The following RFX3 variants were observed in gnomAD, a reference collection of about 807,000 sequenced individuals.
The protein encoded by RFX3 is regulatory factor X3, also known as transcription factor RFX3.
In RFX3, 14 loss-of-function variants were observed where a neutral mutation model predicts 98.6. The ratio of observed to expected loss-of-function variants is 0.14; its 90% CI spans 0.09 to 0.22. RFX3 has a LOEUF of 0.22. Ranked by LOEUF, RFX3 falls within the 10% of genes least tolerant of loss-of-function variation. The pLI is 1.00. For synonymous variants in RFX3, 383 were observed against 328.4 expected (o/e 1.17, Z -1.80); for missense variants, 639 against 926.9 (o/e 0.69, Z 4.03).
chr9:3,312,358 A>C lies in RFX3; in HGVS notation c.475-10738T>G, dbSNP rs532636618. Among the ~76,000 whole-genome samples the C allele has an allele frequency of 2.6e-5, 4 of 152,262 alleles. No individual in the cohort carries two copies. In the East Asian group the frequency reaches 7.7e-4, roughly 29 times the overall value. On this transcript the variant is annotated intron_variant, in intron 4 of 16. Transcript: ENST00000617270. ...AAACAGTATCAGTTCCCATCTAGTC[A>C]ATGGAAACCTTCTTCGAAGGATCTC...
intron 1 of RFX3, among the ~76,000 whole-genome samples, chr9:3,457,684 G>A (rs1847318338): frequency 6.6e-6 from 1 of 151,840 alleles, no homozygotes; most frequent in Non-Finnish European, 1.5e-5. Flanking sequence ...TAAGACATTT[G>A]TATTTGTGTC....
chr9:3,420,738 T>G, intron 1 of RFX3: 1 of 965,648 alleles, frequency 1.0e-6, no homozygotes, highest in Non-Finnish European at 1.2e-6. Flanking sequence ...CCTGTATCCT[T>G]CCATAACTGC....
intron 10 of RFX3, 57 bp from the exon 11 acceptor site, chr9:3,270,582 T>C (rs1824289932): frequency 1.3e-6 from 2 of 1,540,152 alleles, no homozygotes; most frequent in South Asian, 1.2e-5. Context: ...AAAAAGAAAA[T>C]GGACTTTAAA....
At chr9:3,266,619 T>C (rs76625015) in intron 11 of RFX3, among the ~76,000 whole-genome samples, 3,259 of 152,132 alleles carry the variant, frequency 0.021, 121 homozygotes, top group African/African-American at 0.074. Context: ...TTTTCTTGCT[T>C]GGAAAAAAAC....
intron 1 of RFX3, among the ~76,000 whole-genome samples, chr9:3,432,004 GGTCT>G (rs1279137928): frequency 6.6e-6 from 1 of 152,094 alleles, no homozygotes; most frequent in Non-Finnish European, 1.5e-5. Flanking sequence ...GATCAGGACT[GGTCT>G]TATCTATAAA....
At chr9:3,329,923 G>A (rs1327574208) in intron 4 of RFX3, among the ~76,000 whole-genome samples, 1 of 152,076 alleles carries the variant, frequency 6.6e-6, no homozygotes, top group Non-Finnish European at 1.5e-5. Context: ...ATCTCATAAA[G>A]TAAGCATAAT....
In RFX3 at chr9:3,316,540, A is replaced by G. The variant is rs558948589; in HGVS notation, c.474+13719T>C. ...GTTCTGGCCATGGCAATCAGGCAAG[A>G]GAAAGAAATAAAGAGTATTCAATTA... On this transcript the variant is annotated intron_variant, in intron 4 of 16. Coordinates refer to ENST00000617270, the MANE Select transcript of RFX3 (RefSeq NM_001282116.2). Among the ~76,000 whole-genome samples, 58 of 152,354 alleles carry G rather than the reference A, an allele frequency of 3.8e-4. 2 individuals are homozygous for G. The South Asian group carries it at 0.011, about 29-fold the overall frequency.
chr9:3,266,390 C>T, intron 11 of RFX3, 85 bp from the exon 12 acceptor site: 2 of 789,584 alleles, frequency 2.5e-6, no homozygotes, highest in Non-Finnish European at 4.3e-6. Flanking sequence ...AATGCTCGTA[C>T]ACAATATCTG....
chr9:3,446,038 C>T (rs1846018010), intron 1 of RFX3, among the ~76,000 whole-genome samples: 1 of 152,102 alleles, frequency 6.6e-6, no homozygotes, highest in African/African-American at 2.4e-5. Context: ...CCTGCAAAAA[C>T]ATCTCCTCAA....
intron 1 of RFX3, among the ~76,000 whole-genome samples, chr9:3,406,854 A>T (rs1564059179): frequency 6.6e-6 from 1 of 152,306 alleles, no homozygotes; most frequent in Non-Finnish European, 1.5e-5. Flanking sequence ...GAATTAAAAG[A>T]CTCAAAAGAT....
intron 1 of RFX3, among the ~76,000 whole-genome samples, chr9:3,400,992 G>C (rs926408654): frequency 6.6e-6 from 1 of 152,172 alleles, no homozygotes. Context: ...CATGATGATA[G>C]GGCTTCCAAA....
At chr9:3,502,628 T>A (rs377565100) in intron 1 of RFX3, among the ~76,000 whole-genome samples, 14 of 152,164 alleles carry the variant, frequency 9.2e-5, no homozygotes, top group African/African-American at 3.4e-4. Context: ...AAATCTAACA[T>A]CAGACATATG....
At chr9:3,491,395 ATAT>A (rs1438754759) in intron 1 of RFX3, among the ~76,000 whole-genome samples, 1 of 152,192 alleles carries the variant, frequency 6.6e-6, no homozygotes, top group Non-Finnish European at 1.5e-5. Context: ...TACTCTCAGT[ATAT>A]TTTCTGACAT....
chr9:3,384,740 T>C (rs1328379515), intron 2 of RFX3, among the ~76,000 whole-genome samples: 1 of 152,148 alleles, frequency 6.6e-6, no homozygotes, highest in Admixed American at 6.6e-5. Context: ...AAGCTCAAGA[T>C]ACCAAGACAC....
chr9:3,393,167 A>T (rs1010085095), intron 2 of RFX3, among the ~76,000 whole-genome samples: 1 of 152,144 alleles, frequency 6.6e-6, no homozygotes, highest in Admixed American at 6.5e-5. Flanking sequence ...CAGTAAAATA[A>T]GTATACTATA....
intron 1 of RFX3, among the ~76,000 whole-genome samples, chr9:3,497,755 T>C (rs1851215830): frequency 6.6e-6 from 1 of 152,020 alleles, no homozygotes; most frequent in Non-Finnish European, 1.5e-5. Context: ...TTCTATGCCA[T>C]AAGCTTGCTT....
At chr9:3,481,553 TG>T (rs1346655051) in intron 1 of RFX3, among the ~76,000 whole-genome samples, 2 of 151,764 alleles carry the variant, frequency 1.3e-5, no homozygotes, top group South Asian at 2.1e-4. Flanking sequence ...CATGTTATAA[TG>T]TGGGGACATC....
At position 3,305,626 on chromosome 9, in the gene RFX3, G is replaced by A. The variant is rs189300415; in HGVS notation, c.475-4006C>T. On this transcript the variant is annotated intron_variant, in intron 4 of 16. Transcript: ENST00000617270. The stretch of plus-strand genomic sequence containing the variant: ...GATATGAAGGATTAACTAGTTGCAT[G>A]ATTCCAAATGGATTACTAATGTCAC... Among the ~76,000 whole-genome samples, 6 of 152,136 alleles carry A rather than the reference G, an allele frequency of 3.9e-5. No homozygotes were observed. The East Asian group carries it at 1.2e-3, about 29-fold the overall frequency.
rs1489987077 is a variant in RFX3 at position 3,492,510 on chromosome 9, G to A, written c.-9+33237C>T. On this transcript the variant is annotated intron_variant, in intron 1 of 16. Transcript: ENST00000617270. Reference sequence around the variant, plus strand: ...AGACTCTACTTCAGCACATTCCCAGGACCCCAAATTCCCATGCAAAGTTCT... The same window carrying A: ...AGACTCTACTTCAGCACATTCCCAGAACCCCAAATTCCCATGCAAAGTTCT... Among the ~76,000 whole-genome samples the A allele has an allele frequency of 2.6e-5, 4 of 152,170 alleles. No individual in the cohort carries two copies. The East Asian group carries it at 5.8e-4, about 22-fold the overall frequency.
Sources: allele counts gnomAD v4.1 joint callset (sites outside exome capture counted in the v4.1 genomes callset), GRCh38; gene constraint gnomAD v4.1.1; transcripts MANE v1.5; gene names NCBI Gene and HGNC (gene_info 2026-07-23, HGNC 2026-07-21).